ANKRD28: variants seen among roughly 807,000 people sequenced by gnomAD.
ANKRD28 encodes serine/threonine-protein phosphatase 6 regulatory ankyrin repeat subunit A.
Under a neutral mutation model 126.5 loss-of-function variants are expected in ANKRD28, and 44 were observed. That is an observed-to-expected ratio of 0.35 (90% CI 0.27 to 0.45). The LOEUF (loss-of-function observed/expected upper bound fraction) is 0.45, where lower values mean the gene tolerates loss of function less well. ANKRD28 is among the 20% of genes least tolerant of loss of function. ANKRD28 has a pLI of 1.00. For synonymous variants in ANKRD28, 442 were observed against 468.5 expected, an observed-to-expected ratio of 0.94 and a Z score of 0.73; for missense variants, 1,110 against 1,316.6, an observed-to-expected ratio of 0.84 and a Z score of 2.43.
At chr3:15,706,209 T>C (rs2071364429) in intron 14 of ANKRD28, among the ~76,000 whole-genome samples, 1 of 152,062 alleles carries the variant, frequency 6.6e-6, no homozygotes, top group Non-Finnish European at 1.5e-5. Flanking sequence ...TCACTTACAT[T>C]AGGTATACCT....
rs1444627223 is a variant in ANKRD28 at position 15,846,834 on chromosome 3, G to A, written c.27+12543C>T. Among the ~76,000 whole-genome samples, 1 of 152,188 alleles carries A rather than the reference G, an allele frequency of 6.6e-6. No homozygotes were observed. Among genetic ancestry groups the A allele is most frequent in the Non-Finnish European group, 1.5e-5 (1 of 68,038 alleles). On this transcript the variant is annotated intron_variant, in intron 1 of 27. Transcript: ENST00000399451. This position sits in a 1 kb window ranked among gnomAD's most constrained non-coding sequence, Gnocchi z 5.4. ...CTGGCAACCACCACCCAGCCAGCAG[G>A]TGGAAAAGAAAGACAATCTTTCAAG...
intron 2 of ANKRD28, among the ~76,000 whole-genome samples, chr3:15,790,519 C>A (rs1414721205): frequency 6.6e-6 from 1 of 151,496 alleles, no homozygotes; most frequent in Non-Finnish European, 1.5e-5. Flanking sequence ...TATATCATAT[C>A]AAAAAAATAA....
intron 15 of ANKRD28, among the ~76,000 whole-genome samples, chr3:15,695,533 G>A (rs2069410173): frequency 2.6e-5 from 4 of 152,048 alleles, no homozygotes; most frequent in Admixed American, 2.6e-4. Context: ...TCCCCTTGAA[G>A]GGAAGCAAAG....
intron 2 of ANKRD28, among the ~76,000 whole-genome samples, chr3:15,787,899 T>C (rs1240514701): frequency 6.6e-6 from 1 of 152,186 alleles, no homozygotes; most frequent in Non-Finnish European, 1.5e-5. Flanking sequence ...AGGACTACTT[T>C]TGCAATTCAT....
At position 15,784,480 on chromosome 3, in the gene ANKRD28, G is replaced by A. The variant is rs552272751; in HGVS notation, c.201+10743C>T. Among the ~76,000 whole-genome samples the A allele has an allele frequency of 5.0e-4, 76 of 150,708 alleles. 2 individuals are homozygous for A. The highest frequency in any genetic ancestry group is 6.2e-4 in the Non-Finnish European group (42 of 67,744). On this transcript the variant is annotated intron_variant, in intron 2 of 27. Coordinates refer to ENST00000683139, the MANE Select transcript of ANKRD28 (RefSeq NM_001349278.2). ...TGTCCATTAGATTAATATGCATATT[G>A]TAGACTGTAAGACATTTACTTAAAA...
At chr3:15,790,657 CAT>C (rs1406032826) in intron 2 of ANKRD28, among the ~76,000 whole-genome samples, 1 of 151,848 alleles carries the variant, frequency 6.6e-6, no homozygotes, top group African/African-American at 2.4e-5. Flanking sequence ...TAATAAAAGC[CAT>C]ATATGACAGA....
chr3:15,792,275 T>C lies in ANKRD28; in HGVS notation c.201+2948A>G, dbSNP rs558659414. ...TCGAAGAGATCTGCACTCCTATGTTTGTTGCAGCACTGTTTACAATAGCTA... is the reference window on the plus strand; with the variant it reads ...TCGAAGAGATCTGCACTCCTATGTTCGTTGCAGCACTGTTTACAATAGCTA... On this transcript the variant is annotated intron_variant, in intron 2 of 27. Coordinates refer to ENST00000683139, the MANE Select transcript of ANKRD28 (RefSeq NM_001349278.2). Among the ~76,000 whole-genome samples, 3 of 152,324 alleles carry C rather than the reference T, an allele frequency of 2.0e-5. No individual in the cohort carries two copies. In the South Asian group the frequency reaches 6.2e-4, roughly 32 times the overall value.
rs907542986 is a variant in ANKRD28 at position 15,797,870 on chromosome 3, A to G, written c.-1349T>C. 6 of 985,308 alleles carry G rather than the reference A, an allele frequency of 6.1e-6. No homozygotes were observed. Among genetic ancestry groups the G allele is most frequent in the Non-Finnish European group, 6.0e-6 (5 of 829,950 alleles). 61.0% of individuals were successfully genotyped at this position (985,308 alleles called of 1,614,324 possible). ...TAAAAAATATCTATAGAACCTCAGT[A>G]TCAGTCCCACAGAAGCATTCCAACG... is the stretch of plus-strand genomic sequence containing the variant. On this transcript the variant is annotated 5_prime_UTR_variant, in exon 1 of 28. Coordinates refer to ENST00000683139, the MANE Select transcript of ANKRD28 (RefSeq NM_001349278.2).
rs146879823 is a variant in ANKRD28 at position 15,805,367 on chromosome 3, A to T, written c.28-10061T>A. Among the ~76,000 whole-genome samples, 610 of 152,292 alleles carry T rather than the reference A, an allele frequency of 4.0e-3. 2 individuals are homozygous for T. The highest frequency in any genetic ancestry group is 0.023 in the East Asian group (118 of 5,186). On this transcript the variant is annotated intron_variant, in intron 1 of 27. Transcript: ENST00000399451. ...CTTGAGAAGCAGTTTGAAATTAAGG[A>T]AAAGGACTCATCATTTTAGAGGTCT...
chr3:15,842,318 C>G (rs138858806), intron 1 of ANKRD28, among the ~76,000 whole-genome samples: 102 of 151,964 alleles, frequency 6.7e-4, no homozygotes, highest in Non-Finnish European at 1.4e-3. Context: ...ACAAAGTTTG[C>G]ATGTTCTCAC....
intron 1 of ANKRD28, among the ~76,000 whole-genome samples, chr3:15,826,445 A>G (rs1433627150): frequency 6.6e-6 from 1 of 152,224 alleles, no homozygotes; most frequent in Non-Finnish European, 1.5e-5. Flanking sequence ...TTTAGAAAAC[A>G]TAACAGTAAT....
chr3:15,670,959 T>C (rs534480548), intron 27 of ANKRD28, among the ~76,000 whole-genome samples: 21 of 152,252 alleles, frequency 1.4e-4, no homozygotes, highest in African/African-American at 4.6e-4. Context: ...TAAGAAAAAA[T>C]AAAAAAATTT....
rs1036644202 is a variant in ANKRD28, at chr3:15,845,029, G to C, written c.27+14348C>G. Among the ~76,000 whole-genome samples the C allele has an allele frequency of 6.6e-6, 1 of 152,040 alleles. No individual in the cohort carries two copies. The highest frequency in any genetic ancestry group is 1.5e-5 in the Non-Finnish European group (1 of 68,006). On this transcript the variant is annotated intron_variant, in intron 1 of 27. Coordinates refer to the ANKRD28 transcript ENST00000399451. This position sits in a 1 kb window ranked among gnomAD's most constrained non-coding sequence, Gnocchi z 4.9. Reference sequence around the variant, plus strand: ...CATGGCTGGAGCAGGAGCAAAATGGGGACACGGGGGTGCTAGGCACTTTTA... The same window carrying C: ...CATGGCTGGAGCAGGAGCAAAATGGCGACACGGGGGTGCTAGGCACTTTTA...
intron 14 of ANKRD28, among the ~76,000 whole-genome samples, chr3:15,706,258 A>G (rs1005257345): frequency 6.6e-6 from 1 of 150,900 alleles, no homozygotes; most frequent in African/African-American, 2.4e-5. Flanking sequence ...ACCCCATGAC[A>G]GGCCCCGGTG....
chr3:15,715,603 T>C (rs144933955), intron 8 of ANKRD28, among the ~76,000 whole-genome samples: 103 of 152,310 alleles, frequency 6.8e-4, no homozygotes, highest in Non-Finnish European at 1.2e-3. Flanking sequence ...AGAGGATGCA[T>C]GCATGCACAG....
At chr3:15,818,239 A>T (rs2060873437) in intron 1 of ANKRD28, among the ~76,000 whole-genome samples, 1 of 152,148 alleles carries the variant, frequency 6.6e-6, no homozygotes, top group Admixed American at 6.5e-5. Flanking sequence ...TGTCCGACAC[A>T]GGTTGAACAT....
chr3:15,735,351 T>TTTC (rs2074944755), intron 6 of ANKRD28, 59 bp downstream of exon 6: 85 of 1,359,810 alleles, frequency 6.3e-5, no homozygotes, highest in Non-Finnish European at 8.6e-5. Flanking sequence ...AGCAAGAACT[T>TTTC]GAAATGTACA....
intron 3 of ANKRD28, among the ~76,000 whole-genome samples, chr3:15,754,713 A>G (rs2058062616): frequency 6.6e-6 from 1 of 152,210 alleles, no homozygotes; most frequent in Non-Finnish European, 1.5e-5. Context: ...ATGCTAAGAT[A>G]TTAATGAGAG....
intron 1 of ANKRD28, among the ~76,000 whole-genome samples, chr3:15,826,801 G>A (rs1283783910): frequency 6.6e-6 from 1 of 152,126 alleles, no homozygotes; most frequent in East Asian, 1.9e-4. Context: ...GAGAACTACT[G>A]CATTAGTCCA....
Sources: gnomAD v4.1 joint callset for allele counts (sites outside exome capture counted in the v4.1 genomes callset) on GRCh38, gnomAD v4.1.1 for gene constraint, Gnocchi (gnomAD v3.1) non-coding constraint, MANE v1.5 for transcripts, NCBI Gene and HGNC (gene_info 2026-07-23, HGNC 2026-07-21) for gene names.